The following SYN2 variants were observed in gnomAD, a reference collection of about 807,000 sequenced individuals.
SYN2 encodes the protein synapsin II.
In SYN2, 19 loss-of-function variants were observed where a neutral mutation model predicts 50.9. The ratio of observed to expected loss-of-function variants is 0.37; its 90% CI spans 0.26 to 0.55. The LOEUF is 0.55. Ranked by LOEUF, SYN2 falls within the 20% of genes least tolerant of loss-of-function variation. SYN2 has a pLI of 0.81. For synonymous variants in SYN2, 255 were observed against 224.9 expected (o/e 1.13, Z -1.20); for missense variants, 587 against 576.4 (o/e 1.02, Z -0.19).
chr3:12,055,564 A>G (rs1694969702), intron 1 of SYN2, among the ~76,000 whole-genome samples: 1 of 152,202 alleles, frequency 6.6e-6, no homozygotes, highest in African/African-American at 2.4e-5. Context: ...TGGAGAAATT[A>G]TATATTTGCA....
intron 9 of SYN2, 56 bp from the exon 10 acceptor site, chr3:12,169,701 C>G (rs529317771): frequency 5.6e-6 from 9 of 1,595,864 alleles, no homozygotes; most frequent in Admixed American, 1.7e-5. Context: ...AAAGATTGTA[C>G]CAGGCCATTT....
At chr3:12,013,135 T>A (rs185029069) in intron 1 of SYN2, among the ~76,000 whole-genome samples, 2 of 152,322 alleles carry the variant, frequency 1.3e-5, no homozygotes, top group Non-Finnish European at 2.9e-5. Flanking sequence ...CTTTTTAAAA[T>A]TTTTAAATAG....
intron 1 of SYN2, chr3:12,071,202 C>T: frequency 1.8e-6 from 1 of 552,726 alleles, no homozygotes. Flanking sequence ...CCCTGGCACC[C>T]AGCACCATGA....
intron 1 of SYN2, among the ~76,000 whole-genome samples, chr3:12,031,087 C>G (rs1246366621): frequency 9.9e-6 from 1 of 100,908 alleles, no homozygotes; most frequent in African/African-American, 4.0e-5. Flanking sequence ...TGTCTTTGTT[C>G]TCGTTGGTTT....
chr3:12,154,288 C>T, intron 5 of SYN2: 2 of 1,613,672 alleles, frequency 1.2e-6, no homozygotes, highest in Non-Finnish European at 1.7e-6. Flanking sequence ...AGAACCCTTC[C>T]CCCATCCCTA....
chr3:12,013,360 C>G (rs1693956055), intron 1 of SYN2, among the ~76,000 whole-genome samples: 1 of 152,148 alleles, frequency 6.6e-6, no homozygotes, highest in Non-Finnish European at 1.5e-5. Context: ...AGATGTTCCT[C>G]CGGGCCCCCT....
chr3:12,134,102 T>C (rs1696846222), intron 1 of SYN2, among the ~76,000 whole-genome samples: 1 of 152,112 alleles, frequency 6.6e-6, no homozygotes. Flanking sequence ...AATGTTGTTA[T>C]GTCTGTTTTG....
intron 10 of SYN2, among the ~76,000 whole-genome samples, chr3:12,174,722 C>T (rs564029520): frequency 2.0e-5 from 3 of 152,268 alleles, no homozygotes; most frequent in South Asian, 4.1e-4. Flanking sequence ...CCTCATGATC[C>T]GCCCACCTTG....
At chr3:12,143,522 T>A (rs1001965898) in intron 3 of SYN2, among the ~76,000 whole-genome samples, 3 of 152,178 alleles carry the variant, frequency 2.0e-5, no homozygotes, top group Non-Finnish European at 2.9e-5. Flanking sequence ...CTCCCACTTA[T>A]AAGTGACAAA....
chr3:12,040,996 T>G (rs1694599655), intron 1 of SYN2, among the ~76,000 whole-genome samples: 1 of 152,198 alleles, frequency 6.6e-6, no homozygotes, highest in African/African-American at 2.4e-5. Flanking sequence ...AGATTTTGTT[T>G]CTACTTCTCA....
At chr3:12,112,584 T>G (rs1040261438) in intron 1 of SYN2, among the ~76,000 whole-genome samples, 1 of 152,152 alleles carries the variant, frequency 6.6e-6, no homozygotes, top group African/African-American at 2.4e-5. Context: ...GTGCAAAATA[T>G]TGCACATAAT....
intron 8 of SYN2, among the ~76,000 whole-genome samples, chr3:12,167,998 G>A (rs73813143): frequency 0.034 from 5,213 of 152,240 alleles, 275 homozygotes; most frequent in African/African-American, 0.12. Context: ...AGGATTGATG[G>A]CCTAGAGTAC....
Position 12,037,324 on chromosome 3 carries a change from A to G in SYN2, c.377+32396A>G, listed in dbSNP as rs1694520017. 2.0e-5 allele frequency among the ~76,000 whole-genome samples: 3 copies of G among 152,292 alleles called. No individual in the cohort carries two copies. The South Asian group carries it at 6.2e-4, about 32-fold the overall frequency. The stretch of plus-strand genomic sequence containing the variant: ...CTACCTATTATCCATTTTTAAAGCT[A>G]CATCCACATTTTCAGGTATTTGTTA... On this transcript the variant is annotated intron_variant, in intron 1 of 12. Coordinates refer to ENST00000621198, the MANE Select transcript of SYN2 (RefSeq NM_133625.6).
chr3:12,037,844 C>G (rs1694531417), intron 1 of SYN2, among the ~76,000 whole-genome samples: 1 of 152,296 alleles, frequency 6.6e-6, no homozygotes, highest in East Asian at 1.9e-4. Context: ...CAAATATTTT[C>G]TCCCATTCTG....
At chr3:12,022,146 T>G (rs1694153509) in intron 1 of SYN2, among the ~76,000 whole-genome samples, 1 of 151,240 alleles carries the variant, frequency 6.6e-6, no homozygotes, top group Non-Finnish European at 1.5e-5. Context: ...ACCTGTGGGG[T>G]CTATACTAGG....
At chr3:12,089,946 T>C (rs1387798370) in intron 1 of SYN2, among the ~76,000 whole-genome samples, 1 of 152,174 alleles carries the variant, frequency 6.6e-6, no homozygotes, top group Non-Finnish European at 1.5e-5. Context: ...TAGTGCTTCA[T>C]TTTCTTATCT....
intron 12 of SYN2, among the ~76,000 whole-genome samples, chr3:12,188,708 T>C (rs1243203996): frequency 6.6e-6 from 1 of 152,200 alleles, no homozygotes; most frequent in Non-Finnish European, 1.5e-5. Flanking sequence ...TCTCTGGGTC[T>C]TCCAGTCCCG....
chr3:12,176,481 G>A (rs768437020), intron 10 of SYN2, among the ~76,000 whole-genome samples: 5 of 152,154 alleles, frequency 3.3e-5, no homozygotes, highest in East Asian at 1.9e-4. Context: ...CTGGCTTCCC[G>A]TTTGGCTGGT....
chr3:12,188,996 T>G (rs1391424473), intron 12 of SYN2, among the ~76,000 whole-genome samples: 2 of 151,982 alleles, frequency 1.3e-5, no homozygotes, highest in Non-Finnish European at 2.9e-5. Flanking sequence ...GGCTGAGGAG[T>G]GCCCCCACTC....
Sources: allele counts gnomAD v4.1 joint callset (sites outside exome capture counted in the v4.1 genomes callset), GRCh38; gene constraint gnomAD v4.1.1; transcripts MANE v1.5; gene names NCBI Gene and HGNC (gene_info 2026-07-23, HGNC 2026-07-21).